EPHA6: variants seen among roughly 807,000 people sequenced by gnomAD.
The protein encoded by EPHA6 is EPH receptor A6, also known as ephrin type-A receptor 6.
In EPHA6, 50 loss-of-function variants were observed where a neutral mutation model predicts 112.0. The ratio of observed to expected loss-of-function variants is 0.45; its 90% CI spans 0.36 to 0.56. The LOEUF (loss-of-function observed/expected upper bound fraction) is 0.56. Ranked by LOEUF, EPHA6 falls within the 20% of genes least tolerant of loss-of-function variation. The pLI, the probability that EPHA6 is intolerant of heterozygous loss-of-function variation, is 0.00. For synonymous variants in EPHA6, 529 were observed against 490.7 expected, an observed-to-expected ratio of 1.08 and a Z score of -1.03; for missense variants, 1,280 against 1,417.4, an observed-to-expected ratio of 0.90 and a Z score of 1.56.
intron 11 of EPHA6, among the ~76,000 whole-genome samples, chr3:97,571,861 A>G (rs1031864030): frequency 1.3e-5 from 2 of 152,364 alleles, no homozygotes; most frequent in Admixed American, 6.5e-5. Context: ...ATCAAGGTCA[A>G]TGTGAAATGT....
chr3:97,343,230 T>C (rs763180947), intron 5 of EPHA6, among the ~76,000 whole-genome samples: 1 of 152,178 alleles, frequency 6.6e-6, no homozygotes, highest in Admixed American at 6.5e-5. Flanking sequence ...GAAGAACATG[T>C]TATTAAAAAC....
chr3:97,423,371 G>A (rs920663445), intron 6 of EPHA6, among the ~76,000 whole-genome samples: 2 of 152,032 alleles, frequency 1.3e-5, no homozygotes, highest in Non-Finnish European at 1.5e-5. Flanking sequence ...TCCAAGATGA[G>A]AGTCAAATCA....
At chr3:97,327,997 GTATGTA>G (rs1203333927) in intron 5 of EPHA6, among the ~76,000 whole-genome samples, 1 of 122,404 alleles carries the variant, frequency 8.2e-6, no homozygotes, top group South Asian at 2.3e-4. Context: ...ATGTATATGT[GTATGTA>G]TATGTATATG....
At chr3:97,278,804 T>C (rs2080187391) in intron 5 of EPHA6, among the ~76,000 whole-genome samples, 1 of 152,188 alleles carries the variant, frequency 6.6e-6, no homozygotes, top group Non-Finnish European at 1.5e-5. Flanking sequence ...GGTATTGGCC[T>C]GCACACACCC....
At chr3:97,366,710 G>A (rs2108961007) in intron 5 of EPHA6, among the ~76,000 whole-genome samples, 1 of 151,826 alleles carries the variant, frequency 6.6e-6, no homozygotes, top group South Asian at 2.1e-4. Context: ...TGTATGTTTG[G>A]AAAACCTTAA....
intron 11 of EPHA6, among the ~76,000 whole-genome samples, chr3:97,570,305 G>A (rs940402954): frequency 2.6e-5 from 4 of 152,208 alleles, no homozygotes; most frequent in African/African-American, 9.6e-5. Flanking sequence ...CAGTATGGAA[G>A]GCACTCCAGG....
intron 12 of EPHA6, among the ~76,000 whole-genome samples, chr3:97,604,143 A>G (rs145339324): frequency 1.3e-5 from 2 of 151,838 alleles, no homozygotes; most frequent in African/African-American, 4.8e-5. Flanking sequence ...ATAATAAGAT[A>G]CAAATGAGGA....
intron 5 of EPHA6, among the ~76,000 whole-genome samples, chr3:97,403,260 T>G (rs2087111012): frequency 6.6e-6 from 1 of 151,846 alleles, no homozygotes; most frequent in Non-Finnish European, 1.5e-5. Context: ...AAGAAAAAAG[T>G]TTTTCTTATT....
intron 1 of EPHA6, among the ~76,000 whole-genome samples, chr3:96,847,335 G>A (rs146764346): frequency 1.3e-5 from 2 of 152,062 alleles, no homozygotes; most frequent in East Asian, 3.9e-4. Context: ...CCTGAAGGAA[G>A]ATATAATTGT....
chr3:97,342,336 C>T (rs1161380738), intron 5 of EPHA6, among the ~76,000 whole-genome samples: 1 of 152,196 alleles, frequency 6.6e-6, no homozygotes, highest in Non-Finnish European at 1.5e-5. Context: ...CAAATGTAAT[C>T]ACTATCATAG....
chr3:96,847,451 T>C (rs1247388609), intron 1 of EPHA6, among the ~76,000 whole-genome samples: 4 of 152,104 alleles, frequency 2.6e-5, no homozygotes, highest in Non-Finnish European at 1.5e-5. Context: ...ATCCCCTACA[T>C]TCAAGCCATA....
At chr3:97,570,345 G>T (rs746996442) in intron 11 of EPHA6, among the ~76,000 whole-genome samples, 8 of 152,134 alleles carry the variant, frequency 5.3e-5, no homozygotes, top group African/African-American at 7.2e-5. Flanking sequence ...AAGTCTAAGG[G>T]CAGAGGCATT....
chr3:97,580,173 A>G (rs889079569), intron 11 of EPHA6, among the ~76,000 whole-genome samples: 5 of 152,236 alleles, frequency 3.3e-5, no homozygotes, highest in Admixed American at 2.6e-4. Flanking sequence ...TCATGCAGAA[A>G]TAAAATGCAC....
chr3:97,102,602 C>T (rs1223171705), intron 3 of EPHA6, among the ~76,000 whole-genome samples: 2 of 152,094 alleles, frequency 1.3e-5, no homozygotes, highest in Admixed American at 6.6e-5. Flanking sequence ...CATGTGCCTT[C>T]ATAGTAAATG....
chr3:97,175,870 A>G, intron 3 of EPHA6, among the ~76,000 whole-genome samples: 1 of 151,656 alleles, frequency 6.6e-6, no homozygotes, highest in Middle Eastern at 3.2e-3. Context: ...TAATTTCTTT[A>G]TTTTCACTTT....
intron 3 of EPHA6, among the ~76,000 whole-genome samples, chr3:97,192,597 G>A (rs1270668789): frequency 1.3e-5 from 2 of 152,020 alleles, no homozygotes; most frequent in Non-Finnish European, 2.9e-5. Flanking sequence ...TTTGTTGATT[G>A]TTTCCTTTAC....
At chr3:96,850,443 G>A (rs981144956) in intron 1 of EPHA6, among the ~76,000 whole-genome samples, 2 of 152,082 alleles carry the variant, frequency 1.3e-5, no homozygotes, top group African/African-American at 4.8e-5. Flanking sequence ...ATGCTCAGAT[G>A]GCTTCCTGGT....
chr3:97,471,726 C>T (rs73852121), intron 7 of EPHA6, among the ~76,000 whole-genome samples: 4,261 of 151,748 alleles, frequency 0.028, 152 homozygotes, highest in African/African-American at 0.089. Context: ...GTGGATTACT[C>T]CTGAACTTTT....
intron 3 of EPHA6, among the ~76,000 whole-genome samples, chr3:97,076,030 A>G (rs1404798982): frequency 6.6e-6 from 1 of 152,032 alleles, no homozygotes; most frequent in Admixed American, 6.6e-5. Context: ...GAGACACAAC[A>G]CTATTGAAAT....
Sources: allele counts gnomAD v4.1 joint callset (sites outside exome capture counted in the v4.1 genomes callset), GRCh38; gene constraint gnomAD v4.1.1; transcripts MANE v1.5; gene names NCBI Gene and HGNC (gene_info 2026-07-23, HGNC 2026-07-21).